MCM9: variants seen among roughly 807,000 people sequenced by gnomAD.
MCM9 encodes the protein DNA helicase MCM9.
In MCM9, 55 loss-of-function variants were observed where a neutral mutation model predicts 72.8. That is an observed-to-expected ratio of 0.76 (90% CI 0.61 to 0.95). MCM9 has a LOEUF of 0.95. Ranked by LOEUF, MCM9 falls within the 40% of genes least tolerant of loss-of-function variation. The pLI is 0.00. For missense variants in MCM9, 1,279 were observed against 1,377.0 expected (o/e 0.93, Z 1.13); for synonymous variants, 480 against 503.4 (o/e 0.95, Z 0.62).
chr6:118,882,205 A>G (rs1412663668), intron 8 of MCM9, among the ~76,000 whole-genome samples: 3 of 152,232 alleles, frequency 2.0e-5, no homozygotes, highest in African/African-American at 7.2e-5. Context: ...GACAAAGCCA[A>G]TAAGGGCAGA....
chr6:118,896,299 CAAAAG>C (rs974550010), intron 8 of MCM9, among the ~76,000 whole-genome samples: 19 of 151,986 alleles, frequency 1.3e-4, no homozygotes, highest in African/African-American at 4.3e-4. Context: ...TAAAAATAGA[CAAAAG>C]AAAAACCATT....
chr6:118,933,132 G>T (rs1205637895), intron 1 of MCM9, among the ~76,000 whole-genome samples: 1 of 152,174 alleles, frequency 6.6e-6, no homozygotes, highest in Non-Finnish European at 1.5e-5. Context: ...AAAGGAGAGG[G>T]AGGTTAAATT....
intron 2 of MCM9, 34 bp from the exon 3 acceptor site, chr6:118,931,772 T>C: frequency 6.8e-7 from 1 of 1,469,688 alleles, no homozygotes; most frequent in Non-Finnish European, 9.1e-7. Context: ...ATTATATATT[T>C]GATACTCAAG....
Position 118,884,362 on chromosome 6 carries a change from C to T in MCM9, c.1150+27288G>A, listed in dbSNP as rs576566083. Among the ~76,000 whole-genome samples the T allele has an allele frequency of 9.2e-5, 14 of 152,068 alleles. 1 individual carries two copies. The South Asian group carries it at 1.5e-3, about 16-fold the overall frequency. On this transcript the variant is annotated intron_variant, in intron 8 of 13. Coordinates refer to ENST00000619706, the MANE Select transcript of MCM9 (RefSeq NM_017696.3). The stretch of plus-strand genomic sequence containing the variant: ...ATCTCAGTGAAATAAAATAAGTCTA[C>T]ATCTGAAACACTGATACATTAAGTA...
chr6:118,919,183 C>T (rs568830273), intron 5 of MCM9: 1 of 152,244 alleles, frequency 6.6e-6, no homozygotes, highest in African/African-American at 2.4e-5. Context: ...AAATGAGGAA[C>T]TTAATGTTTA....
chr6:118,813,480 T>C lies in MCM9; in HGVS notation c.*1344A>G, dbSNP rs376704651. 6.6e-6 allele frequency: 1 copy of C among 152,226 alleles called. No individual in the cohort carries two copies. The highest frequency in any genetic ancestry group is 2.4e-5 in the African/African-American group (1 of 41,468). 9.4% of individuals were successfully genotyped at this position (152,226 alleles called of 1,614,324 possible). A position where few individuals can be genotyped will look rare whatever the true frequency, so the allele number is the denominator to read the frequency against. On this transcript the variant is annotated 3_prime_UTR_variant, in exon 14 of 14. Transcript: ENST00000619706. ...TTTAAATTTTTTCAGAAAATTTTAT[T>C]AGTGAATTTTAGAACGTTTAAATGC...
At chr6:118,929,077 G>A (rs1185237666) in intron 3 of MCM9, among the ~76,000 whole-genome samples, 1 of 151,992 alleles carries the variant, frequency 6.6e-6, no homozygotes. Flanking sequence ...AAAATTAGCT[G>A]GGCATGGTGG....
At chr6:118,914,488 G>T (rs1451589740) in intron 6 of MCM9, among the ~76,000 whole-genome samples, 2 of 152,088 alleles carry the variant, frequency 1.3e-5, no homozygotes, top group Non-Finnish European at 2.9e-5. Flanking sequence ...GGCCTGCGAT[G>T]GCAGAAATGG....
In MCM9 at chr6:118,861,984, C is replaced by T. The variant is rs569323193; in HGVS notation, c.1151-5439G>A. On this transcript the variant is annotated intron_variant, in intron 8 of 13. Transcript: ENST00000619706. ...CCATGCTGAGCTACCTTCAGCCCCC[C>T]GACATCCTCCCTCCCTGAGCTTGTC... Among the ~76,000 whole-genome samples, 58 of 152,306 alleles carry T rather than the reference C, an allele frequency of 3.8e-4. No individual in the cohort carries two copies. The East Asian group carries it at 4.6e-3, about 12-fold the overall frequency.
chr6:118,903,342 C>A (rs1779935761), intron 8 of MCM9, among the ~76,000 whole-genome samples: 1 of 152,100 alleles, frequency 6.6e-6, no homozygotes, highest in African/African-American at 2.4e-5. Context: ...GGCTGGCTGT[C>A]CCCTATCCTG....
intron 8 of MCM9, among the ~76,000 whole-genome samples, chr6:118,867,839 A>G (rs1777316121): frequency 6.6e-6 from 1 of 151,404 alleles, no homozygotes. Flanking sequence ...TAGTAATACA[A>G]TGGGGTTGGG....
At chr6:118,932,513 A>C (rs1007047170) in intron 2 of MCM9, 94 bp downstream of exon 2, 15 of 736,610 alleles carry the variant, frequency 2.0e-5, no homozygotes, top group Non-Finnish European at 2.5e-5. Flanking sequence ...GCTTTTGTTT[A>C]TATGAACACA....
chr6:118,848,743 G>C (rs1414578158), intron 9 of MCM9, among the ~76,000 whole-genome samples: 1 of 152,088 alleles, frequency 6.6e-6, no homozygotes. Flanking sequence ...GTGCAACATG[G>C]TGAAACCCCA....
chr6:118,863,455 T>C (rs1235400486), intron 8 of MCM9, among the ~76,000 whole-genome samples: 2 of 152,062 alleles, frequency 1.3e-5, no homozygotes, highest in African/African-American at 4.8e-5. Context: ...ATAAAAGGCA[T>C]AAAAAGCATC....
At chr6:118,920,331 T>TCACC (rs1476336798) in intron 5 of MCM9, 3 of 152,246 alleles carry the variant, frequency 2.0e-5, no homozygotes, top group Non-Finnish European at 4.4e-5. Flanking sequence ...ATCTGAAACC[T>TCACC]AGAAGAGGTC....
chr6:118,892,952 C>A (rs1290758546), intron 8 of MCM9, among the ~76,000 whole-genome samples: 1 of 152,172 alleles, frequency 6.6e-6, no homozygotes, highest in Non-Finnish European at 1.5e-5. Flanking sequence ...AATCAAAATT[C>A]TGGGCACTAT....
In MCM9 at chr6:118,814,817, T is replaced by G. The variant is rs1319963856; in HGVS notation, c.*7A>C. ...AAGGTGAGATTTGACCAGAAAGCTTTTCCCAACTATGACTTTTTTCTCATC... is the reference window on the plus strand; with the variant it reads ...AAGGTGAGATTTGACCAGAAAGCTTGTCCCAACTATGACTTTTTTCTCATC... On this transcript the variant is annotated 3_prime_UTR_variant, in exon 14 of 14. Coordinates refer to ENST00000619706, the MANE Select transcript of MCM9 (RefSeq NM_017696.3). The G allele has an allele frequency of 6.7e-7, 1 of 1,484,840 alleles. No individual in the cohort carries two copies. Among genetic ancestry groups the G allele is most frequent in the East Asian group, 2.5e-5 (1 of 40,404 alleles). 92.0% of individuals were successfully genotyped at this position (1,484,840 alleles called of 1,614,324 possible). A position where few individuals can be genotyped will look rare whatever the true frequency, so the allele number is the denominator to read the frequency against.
At chr6:118,871,654 C>T (rs186738151) in intron 8 of MCM9, among the ~76,000 whole-genome samples, 4 of 151,706 alleles carry the variant, frequency 2.6e-5, no homozygotes, top group East Asian at 3.9e-4. Flanking sequence ...CGGTGGCTCA[C>T]GCCTGTAATC....
chr6:118,844,629 TA>T (rs1312141605), intron 9 of MCM9, among the ~76,000 whole-genome samples: 3 of 151,738 alleles, frequency 2.0e-5, no homozygotes, highest in African/African-American at 4.9e-5. Context: ...GCAGAAACTG[TA>T]AAAACTATTA....
Sources: gnomAD v4.1 joint callset for allele counts (sites outside exome capture counted in the v4.1 genomes callset) on GRCh38, gnomAD v4.1.1 for gene constraint, MANE v1.5 for transcripts, NCBI Gene and HGNC (gene_info 2026-07-23, HGNC 2026-07-21) for gene names.